The following CASK variants were observed in gnomAD, a reference collection of about 807,000 sequenced individuals.
CASK encodes the protein calcium/calmodulin dependent serine protein kinase.
Under a neutral mutation model 82.9 loss-of-function variants are expected in CASK, and 4 were observed. The observed-to-expected ratio is 0.05, with a 90% CI of 0.02 to 0.11. CASK has a LOEUF of 0.11. CASK is among the 10% of genes least tolerant of loss of function. The pLI is 1.00. For synonymous variants in CASK, 259 were observed against 253.5 expected, an observed-to-expected ratio of 1.02 and a Z score of -0.20; for missense variants, 358 against 720.9, an observed-to-expected ratio of 0.50 and a Z score of 5.76.
chrX:41,657,334 C>T (rs1397843798), intron 8 of CASK, among the ~76,000 whole-genome samples: 2 of 111,953 alleles, frequency 1.8e-5, no homozygotes, highest in Admixed American at 9.4e-5. Flanking sequence ...GTGTCTGAAA[C>T]GGTGAAACCA....
chrX:41,778,880 A>C (rs1236294472), intron 3 of CASK, among the ~76,000 whole-genome samples: 4 of 109,971 alleles, frequency 3.6e-5, no homozygotes, highest in Non-Finnish European at 5.7e-5. Flanking sequence ...AAAAAAAAAA[A>C]CCCCAAACTC....
chrX:41,581,605 T>C (rs2065581146), intron 14 of CASK, among the ~76,000 whole-genome samples: 1 of 110,237 alleles, frequency 9.1e-6, no homozygotes, highest in African/African-American at 3.3e-5. Flanking sequence ...CTTGGCATAA[T>C]AAAAAAATTG....
intron 16 of CASK, among the ~76,000 whole-genome samples, chrX:41,566,117 C>T (rs2065314302): frequency 9.0e-6 from 1 of 111,617 alleles, no homozygotes; most frequent in African/African-American, 3.3e-5. Flanking sequence ...GACAAACCCA[C>T]AGCCAATATC....
At chrX:41,638,785 C>T (rs1307951849) in intron 8 of CASK, among the ~76,000 whole-genome samples, 4 of 110,998 alleles carry the variant, frequency 3.6e-5, no homozygotes, top group Non-Finnish European at 7.5e-5. Context: ...GTAGGCCATG[C>T]GGGCCTTTGG....
chrX:41,573,075 CTT>C (rs147599527), intron 15 of CASK, among the ~76,000 whole-genome samples: 11 of 87,892 alleles, frequency 1.3e-4, no homozygotes, highest in Non-Finnish European at 1.6e-4. Flanking sequence ...TTTCTTTTTT[CTT>C]TTTTTTTTTT....
At chrX:41,710,412 CT>C (rs1275929829) in intron 5 of CASK, among the ~76,000 whole-genome samples, 1 of 111,037 alleles carries the variant, frequency 9.0e-6, no homozygotes, top group Non-Finnish European at 1.9e-5. Flanking sequence ...ACTACCACCC[CT>C]GAAATGATTC....
intron 2 of CASK, among the ~76,000 whole-genome samples, chrX:41,823,794 C>T (rs934408999): frequency 2.8e-4 from 31 of 111,313 alleles, no homozygotes; most frequent in African/African-American, 1.0e-3. Context: ...TCGTCAGGAT[C>T]ATTCCTCATG....
intron 2 of CASK, among the ~76,000 whole-genome samples, chrX:41,830,392 A>G (rs1284791490): frequency 1.8e-5 from 2 of 111,248 alleles, no homozygotes; most frequent in African/African-American, 6.5e-5. Context: ...ATACCTAAAC[A>G]TCTTCCTCAT....
At chrX:41,576,975 T>C (rs1037219899) in intron 15 of CASK, among the ~76,000 whole-genome samples, 2 of 112,461 alleles carry the variant, frequency 1.8e-5, no homozygotes, top group Non-Finnish European at 3.8e-5. Flanking sequence ...ATCATGGTCA[T>C]AGAGTCACTG....
rs150337660 is a variant in CASK, at chrX:41,593,955, G to A, written c.1156-4363C>T. ...CAAATCTAGGTAGAGTTTTGTCAAGGTCTGGGGCAAATGAAAGGTAGCTGG... is the reference window on the plus strand; with the variant it reads ...CAAATCTAGGTAGAGTTTTGTCAAGATCTGGGGCAAATGAAAGGTAGCTGG... On this transcript the variant is annotated intron_variant, in intron 12 of 26. Coordinates refer to ENST00000378163, the MANE Select transcript of CASK (RefSeq NM_001367721.1). Among the ~76,000 whole-genome samples the A allele has an allele frequency of 7.0e-3, 785 of 112,042 alleles. 7 individuals are homozygous for A. Among genetic ancestry groups the A allele is most frequent in the Middle Eastern group, 9.2e-3 (2 of 217 alleles).
At chrX:41,836,629 T>C (rs1454250106) in intron 2 of CASK, among the ~76,000 whole-genome samples, 1 of 111,776 alleles carries the variant, frequency 8.9e-6, no homozygotes, top group Non-Finnish European at 1.9e-5. Flanking sequence ...TTATAAACTA[T>C]AATTTGATAA....
intron 5 of CASK, chrX:41,683,044 C>A (rs1007304122): frequency 1.8e-5 from 2 of 111,848 alleles, no homozygotes; most frequent in Non-Finnish European, 3.8e-5. Context: ...ACAGCCTGTT[C>A]AGGCAGATAT....
intron 5 of CASK, among the ~76,000 whole-genome samples, chrX:41,733,331 T>A (rs1016172723): frequency 9.0e-6 from 1 of 111,400 alleles, no homozygotes; most frequent in African/African-American, 3.3e-5. Flanking sequence ...TTTATAATAA[T>A]CATGTAATCC....
At chrX:41,853,000 C>T (rs1026170198) in intron 2 of CASK, 115 bp downstream of exon 2, 3 of 527,695 alleles carry the variant, frequency 5.7e-6, no homozygotes, top group African/African-American at 4.6e-5. Flanking sequence ...ACCCACTTCC[C>T]TCTACATCAT....
chrX:41,709,088 A>G (rs2067930522), intron 5 of CASK, among the ~76,000 whole-genome samples: 1 of 111,983 alleles, frequency 8.9e-6, no homozygotes, highest in African/African-American at 3.2e-5. Context: ...TAAAAGGACT[A>G]CTTCAAATGT....
chrX:41,670,476 G>T (rs1248493671), intron 6 of CASK, among the ~76,000 whole-genome samples: 3 of 112,545 alleles, frequency 2.7e-5, no homozygotes, highest in African/African-American at 9.7e-5. Flanking sequence ...GCTGGGTGCA[G>T]TGGCTTACAC....
At chrX:41,888,731 G>GTA (rs1236225279) in intron 1 of CASK, among the ~76,000 whole-genome samples, 21 of 100,675 alleles carry the variant, frequency 2.1e-4, no homozygotes, top group African/African-American at 6.5e-4. Flanking sequence ...GTGAATATAT[G>GTA]TATATATATA....
At chrX:41,752,306 T>C (rs1000368180) in intron 3 of CASK, among the ~76,000 whole-genome samples, 18 of 109,446 alleles carry the variant, frequency 1.6e-4, no homozygotes, top group Admixed American at 7.8e-4. Context: ...TTTTTTTTTT[T>C]CCAAGACAGG....
chrX:41,747,600 G>A (rs998637064), intron 3 of CASK, among the ~76,000 whole-genome samples: 17 of 111,375 alleles, frequency 1.5e-4, no homozygotes, highest in African/African-American at 4.2e-4. Flanking sequence ...CACCACGCCC[G>A]GCTAATTTTT....
Sources: gnomAD v4.1 joint callset for allele counts (sites outside exome capture counted in the v4.1 genomes callset) on GRCh38, gnomAD v4.1.1 for gene constraint, MANE v1.5 for transcripts, NCBI Gene and HGNC (gene_info 2026-07-23, HGNC 2026-07-21) for gene names.